Variants in CYP3A4 observed in about 807,000 individuals in gnomAD.
The protein encoded by CYP3A4 is cytochrome P450 3A4.
CYP3A4 carries 41 observed loss-of-function variants against 54.9 expected under a neutral mutation model. The ratio of observed to expected loss-of-function variants is 0.75; its 90% CI spans 0.58 to 0.97. The LOEUF (loss-of-function observed/expected upper bound fraction) is 0.97, where lower values mean the gene tolerates loss of function less well. CYP3A4 is among the 50% of genes least tolerant of loss of function. The probability of loss-of-function intolerance (pLI) is 0.00; values close to 1 mark genes in which losing one functional copy is unlikely to be tolerated. For synonymous variants in CYP3A4, 179 were observed against 205.2 expected, an observed-to-expected ratio of 0.87 and a Z score of 1.09; for missense variants, 510 against 597.3, an observed-to-expected ratio of 0.85 and a Z score of 1.52.
chr7:99,775,443 A>C (rs1478008276), intron 3 of CYP3A4, among the ~76,000 whole-genome samples: 1 of 152,226 alleles, frequency 6.6e-6, no homozygotes, highest in Non-Finnish European at 1.5e-5. Flanking sequence ...TTCAAATTAT[A>C]CTAAAAGGCT....
intron 7 of CYP3A4, among the ~76,000 whole-genome samples, chr7:99,768,096 A>G (rs2246709): frequency 0.32 from 48,030 of 152,066 alleles, 7,734 homozygotes; most frequent in Admixed American, 0.42. Context: ...AATCCATAGA[A>G]GCAGAAAGTT....
At position 99,767,218 on chromosome 7, in the gene CYP3A4, A is replaced by G; in HGVS notation, c.711T>C (p.Asn237=). The G allele has an allele frequency of 6.2e-7, 1 of 1,607,288 alleles. No individual in the cohort carries two copies. The highest frequency in any genetic ancestry group is 1.3e-5 in the African/African-American group (1 of 74,650). ...TAACTTCTCTTGGAAACACACAGAT[A>G]TTTAATACTTCAAGAATTGGGATGA... ...PFLIPILEVL[N]ICVFPREVTN... Residue 237 remains asparagine, a synonymous_variant, in exon 8 of 13, where the codon AAT becomes AAC. Transcript: ENST00000651514.
At chr7:99,770,519 G>C (rs939881567) in intron 4 of CYP3A4, among the ~76,000 whole-genome samples, 1 of 152,092 alleles carries the variant, frequency 6.6e-6, no homozygotes, top group Non-Finnish European at 1.5e-5. Context: ...AATTATCCAC[G>C]TGGTAGAGAA....
At chr7:99,777,891 G>A in intron 3 of CYP3A4, 137 bp downstream of exon 3, 1 of 732,418 alleles carries the variant, frequency 1.4e-6, no homozygotes, top group Non-Finnish European at 2.4e-6. Flanking sequence ...TCTTCTTTCA[G>A]AGAACTTCTC....
At chr7:99,781,551 C>T (rs1457133846) in intron 1 of CYP3A4, among the ~76,000 whole-genome samples, 2 of 152,118 alleles carry the variant, frequency 1.3e-5, no homozygotes, top group Non-Finnish European at 2.9e-5. Flanking sequence ...GTCTGAAGAC[C>T]TTCCCAGTCT....
rs766677128 is a variant in CYP3A4, at chr7:99,769,755, C to T, written c.521+13G>A. 5.9e-5 allele frequency: 96 copies of T among 1,613,500 alleles called. No homozygotes were observed. Among genetic ancestry groups the T allele is most frequent in the Admixed American group, 8.3e-5 (5 of 59,974 alleles). On this transcript the variant is annotated intron_variant, in intron 6 of 12. Coordinates refer to ENST00000651514, the MANE Select transcript of CYP3A4 (RefSeq NM_017460.6). ...ATGACAGCTCAGAACCCCATGGCTG[C>T]GCTTCTACTTACTCTTTCAAGGTGA...
intron 2 of CYP3A4, among the ~76,000 whole-genome samples, chr7:99,779,218 C>T (rs529270080): frequency 7.3e-5 from 11 of 151,346 alleles, no homozygotes; most frequent in South Asian, 2.1e-4. Flanking sequence ...CATGTGATTC[C>T]GCCTTTGTGT....
chr7:99,770,082 T>C, intron 5 of CYP3A4, 40 bp downstream of exon 5: 3 of 1,583,002 alleles, frequency 1.9e-6, no homozygotes, highest in Non-Finnish European at 2.6e-6. Context: ...ACCAGATTCA[T>C]TCTTTAAGTT....
At position 99,758,213 on chromosome 7, in the gene CYP3A4, T is replaced by C. The variant is rs60535349; in HGVS notation, c.1432A>G (p.Ser478Gly). The C allele has an allele frequency of 1.2e-6, 2 of 1,613,886 alleles. No homozygotes were observed. Among genetic ancestry groups the C allele is most frequent in the Non-Finnish European group, 1.7e-6 (2 of 1,179,850 alleles). Residue 478 changes from serine to glycine, a missense_variant, in exon 13 of 13, where the codon AGC (serine) becomes GGC (glycine). Physicochemically the swap from Ser to Gly is moderately conservative, Grantham distance 56. Around this residue, in one of 2 missense-constraint regions of CYP3A4, gnomAD observed 238 missense variants for 322.5 expected, o/e 0.74. Coordinates refer to ENST00000651514, the MANE Select transcript of CYP3A4 (RefSeq NM_017460.6). ...TCTGGTTGAAGAAGTCCTCCTAAGC[T>C]TAATTTCAGGGGGATCTGCAACAGT... is the stretch of plus-strand genomic sequence containing the variant. ...CKETQIPLKL[S>G]LGGLLQPEKP... is the part of the protein sequence containing the mutation.
In CYP3A4 at chr7:99,767,388, T is replaced by C. The variant is rs1360505900; in HGVS notation, c.671-130A>G. The stretch of plus-strand genomic sequence containing the variant: ...CATCAAGGTTCTCAACTGGAAGCCA[T>C]TCCTTCTATGACTTTTGCCCCTCTT... On this transcript the variant is annotated intron_variant, in intron 7 of 12. Transcript: ENST00000651514. 24 of 814,350 alleles carry C rather than the reference T, an allele frequency of 2.9e-5. No individual in the cohort carries two copies. The South Asian group carries it at 4.4e-4, about 15-fold the overall frequency. 50.4% of individuals were successfully genotyped at this position (814,350 alleles called of 1,614,324 possible).
At chr7:99,780,557 C>T (rs1584550902) in intron 1 of CYP3A4, among the ~76,000 whole-genome samples, 1 of 152,122 alleles carries the variant, frequency 6.6e-6, no homozygotes, top group East Asian at 1.9e-4. Context: ...TCACTGAGAG[C>T]CTATGGTGAC....
At chr7:99,769,999 C>T in intron 5 of CYP3A4, 123 bp downstream of exon 5, 3 of 1,534,016 alleles carry the variant, frequency 2.0e-6, no homozygotes, top group South Asian at 1.1e-5. Context: ...GATAAAAGAC[C>T]ATTTTTAGGC....
chr7:99,763,222 A>C (rs1815384407), intron 10 of CYP3A4, among the ~76,000 whole-genome samples: 1 of 152,046 alleles, frequency 6.6e-6, no homozygotes, highest in Non-Finnish European at 1.5e-5. Flanking sequence ...CTATCCAACT[A>C]TGATGTGTGG....
chr7:99,769,944 G>T, intron 5 of CYP3A4, 88 bp from the exon 6 acceptor site: 1 of 1,597,450 alleles, frequency 6.3e-7, no homozygotes. Context: ...GGAGCAGTAA[G>T]TGACATTTTA....
chr7:99,772,391 T>C (rs1176504200), intron 4 of CYP3A4, among the ~76,000 whole-genome samples, 199 bp downstream of exon 4: 1 of 152,200 alleles, frequency 6.6e-6, no homozygotes, highest in Non-Finnish European at 1.5e-5. Context: ...AATGTCAATT[T>C]CCTGTACTAT....
rs67666821 is a variant in CYP3A4, at chr7:99,758,183, G to GT, written c.1461dup (p.Pro488ThrfsTer7). On this transcript the variant is annotated frameshift_variant, in exon 13 of 13. Coordinates refer to ENST00000651514, the MANE Select transcript of CYP3A4 (RefSeq NM_017460.6). LOFTEE classifies it high-confidence loss of function. ...CTTGACTCAACCTTTAGAACAACGGGTTTTTCTGGTTGAAGAAGTCCTCCT... is the reference window on the plus strand; with the variant it reads ...CTTGACTCAACCTTTAGAACAACGGGTTTTTTCTGGTTGAAGAAGTCCTCCT... The GT allele has an allele frequency of 4.5e-4, 719 of 1,613,988 alleles. No homozygotes were observed. Among genetic ancestry groups the GT allele is most frequent in the Admixed American group, 1.3e-3 (77 of 59,994 alleles).
chr7:99,780,593 C>T (rs1271699373), intron 1 of CYP3A4, among the ~76,000 whole-genome samples: 1 of 152,150 alleles, frequency 6.6e-6, no homozygotes, highest in Non-Finnish European at 1.5e-5. Context: ...TGCTCAGAGG[C>T]TTTTATGCTT....
In CYP3A4 at chr7:99,780,100, A is replaced by T. The variant is rs368782096; in HGVS notation, c.72-15T>A. ...GGGTTCCATATCTACAAAGTGAAAC[A>T]GAAATCAAGTCACAGCGATTGTGAC... On this transcript the variant is annotated splice_polypyrimidine_tract_variant and intron_variant, in intron 1 of 12. Transcript: ENST00000651514. 8 of 1,607,944 alleles carry T rather than the reference A, an allele frequency of 5.0e-6. No homozygotes were observed. The East Asian group carries it at 1.8e-4, about 36-fold the overall frequency.
Position 99,770,107 on chromosome 7 carries a change from A to T in CYP3A4, c.432+15T>A, listed in dbSNP as rs1158231732. ...TTCTTTAAGTTTCTTATTAAAACTC[A>T]TGTTATTTTCATACCTCCTTGAGTT... On this transcript the variant is annotated intron_variant, in intron 5 of 12. Coordinates refer to ENST00000651514, the MANE Select transcript of CYP3A4 (RefSeq NM_017460.6). 1.2e-6 allele frequency: 2 copies of T among 1,600,490 alleles called. No individual in the cohort carries two copies. Among genetic ancestry groups the T allele is most frequent in the East Asian group, 2.2e-5 (1 of 44,746 alleles).
Sources: allele counts gnomAD v4.1 joint callset (sites outside exome capture counted in the v4.1 genomes callset), GRCh38; gene constraint gnomAD v4.1.1; regional missense constraint gnomAD v4.1.1; transcripts MANE v1.5; gene names NCBI Gene and HGNC (gene_info 2026-07-23, HGNC 2026-07-21).